RTN1: variants seen among roughly 807,000 people sequenced by gnomAD.
The protein encoded by RTN1 is reticulon 1.
In RTN1, 25 loss-of-function variants were observed where a neutral mutation model predicts 65.5. The ratio of observed to expected loss-of-function variants is 0.38; its 90% confidence interval spans 0.28 to 0.53. The LOEUF is 0.53. Among genes scored for constraint, RTN1 ranks in the 20% least tolerant of loss-of-function variants. The pLI is 0.79. For synonymous variants in RTN1, 471 were observed against 447.6 expected (o/e 1.05, Z -0.66); for missense variants, 983 against 1,025.4 (o/e 0.96, Z 0.57).
chr14:59,597,897 G>A (rs1236143028), intron 8 of RTN1, among the ~76,000 whole-genome samples: 3 of 152,106 alleles, frequency 2.0e-5, no homozygotes, highest in African/African-American at 7.2e-5. Context: ...CGTTTGCTTG[G>A]GGTATGGACA....
chr14:59,855,909 A>T (rs1887598526), intron 1 of RTN1, among the ~76,000 whole-genome samples: 1 of 152,018 alleles, frequency 6.6e-6, no homozygotes, highest in Non-Finnish European at 1.5e-5. Flanking sequence ...AGTTTATTTC[A>T]TGGTGTTTGG....
At chr14:59,855,342 G>A (rs1887585957) in intron 1 of RTN1, among the ~76,000 whole-genome samples, 1 of 152,104 alleles carries the variant, frequency 6.6e-6, no homozygotes, top group Non-Finnish European at 1.5e-5. Flanking sequence ...CCCACCTACT[G>A]AGGCTTTTAT....
At chr14:59,750,422 TAA>T in intron 1 of RTN1, among the ~76,000 whole-genome samples, 7 of 62,930 alleles carry the variant, frequency 1.1e-4, no homozygotes, top group South Asian at 5.2e-4. Flanking sequence ...GTATAATATA[TAA>T]TATATCTATA....
chr14:59,741,330 G>A (rs764943912), intron 2 of RTN1, among the ~76,000 whole-genome samples: 13 of 152,074 alleles, frequency 8.5e-5, no homozygotes, highest in Non-Finnish European at 1.3e-4. Flanking sequence ...CTGTTACCTC[G>A]AAGAAGCCTC....
chr14:59,863,305 C>G (rs984247485), intron 1 of RTN1, among the ~76,000 whole-genome samples: 3 of 152,110 alleles, frequency 2.0e-5, no homozygotes, highest in Non-Finnish European at 4.4e-5. Flanking sequence ...GTCAAGTCTA[C>G]AAATACCATC....
rs75568389 is a variant in RTN1, at chr14:59,772,056, C to T, written c.242-25575G>A. Among the ~76,000 whole-genome samples, 468 of 152,232 alleles carry T rather than the reference C, an allele frequency of 3.1e-3. 13 individuals are homozygous for T. The East Asian group carries it at 0.05, about 16-fold the overall frequency. On this transcript the variant is annotated intron_variant, in intron 1 of 8. Coordinates refer to ENST00000267484, the MANE Select transcript of RTN1 (RefSeq NM_021136.3). ...GTTAATAAAAGCTGAACAAATAGAA[C>T]ATCTGAAGACAATAGCACTGAAATA...
chr14:59,858,042 C>T (rs943682085), intron 1 of RTN1, among the ~76,000 whole-genome samples: 3 of 152,178 alleles, frequency 2.0e-5, no homozygotes, highest in Admixed American at 6.5e-5. Context: ...TAGCTTGTAC[C>T]ATCCATCCAA....
At position 59,715,781 on chromosome 14, in the gene RTN1, G is replaced by A. The variant is rs375218016; in HGVS notation, c.1765+11138C>T. 6.7e-5 allele frequency among the ~76,000 whole-genome samples: 10 copies of A among 148,952 alleles called. 1 individual carries two copies. Among genetic ancestry groups the A allele is most frequent in the African/African-American group, 7.5e-5 (3 of 40,146 alleles). ...GTGGAGGTTGCAGTGAGCCGACATC[G>A]CACCACTGCACTCCAGCCTGGGCAA... On this transcript the variant is annotated intron_variant, in intron 3 of 8. Coordinates refer to ENST00000267484, the MANE Select transcript of RTN1 (RefSeq NM_021136.3).
At chr14:59,736,603 A>C (rs1320736098) in intron 2 of RTN1, among the ~76,000 whole-genome samples, 1 of 152,198 alleles carries the variant, frequency 6.6e-6, no homozygotes, top group African/African-American at 2.4e-5. Context: ...AGGTATAAAG[A>C]AGAGCTGGTA....
intron 3 of RTN1, among the ~76,000 whole-genome samples, chr14:59,701,688 G>A (rs1433184360): frequency 6.6e-6 from 1 of 152,174 alleles, no homozygotes. Flanking sequence ...GTGGGAAAGA[G>A]GGAAGGGGGA....
intron 3 of RTN1, among the ~76,000 whole-genome samples, chr14:59,692,636 G>A (rs1021753706): frequency 2.0e-5 from 3 of 152,090 alleles, no homozygotes; most frequent in African/African-American, 7.2e-5. Context: ...AAAGCTGGAA[G>A]CATTATATTG....
chr14:59,623,606 GC>G (rs1325490215), intron 3 of RTN1, among the ~76,000 whole-genome samples: 1 of 152,144 alleles, frequency 6.6e-6, no homozygotes, highest in African/African-American at 2.4e-5. Flanking sequence ...ATTTCTTTAA[GC>G]TTTTTGACCT....
chr14:59,709,034 T>C (rs1884359803), intron 3 of RTN1, among the ~76,000 whole-genome samples: 1 of 152,140 alleles, frequency 6.6e-6, no homozygotes, highest in African/African-American at 2.4e-5. Context: ...ATTTGGAGGA[T>C]TCTTGGGAGA....
chr14:59,776,417 T>C (rs556284280), intron 1 of RTN1, among the ~76,000 whole-genome samples: 50 of 152,262 alleles, frequency 3.3e-4, no homozygotes, highest in Non-Finnish European at 5.6e-4. Context: ...CCTTCCACCA[T>C]GCCATGATGC....
intron 1 of RTN1, among the ~76,000 whole-genome samples, chr14:59,752,378 A>G (rs906368854): frequency 1.7e-4 from 26 of 152,164 alleles, no homozygotes; most frequent in African/African-American, 4.3e-4. Flanking sequence ...CACTTTTATA[A>G]GGTCACTAAT....
At chr14:59,736,160 A>G (rs1884997575) in intron 2 of RTN1, among the ~76,000 whole-genome samples, 1 of 152,186 alleles carries the variant, frequency 6.6e-6, no homozygotes, top group African/African-American at 2.4e-5. Flanking sequence ...CAAACCCCAA[A>G]GCTAGCAGAA....
chr14:59,858,647 T>C (rs1887652519), intron 1 of RTN1, among the ~76,000 whole-genome samples: 1 of 152,184 alleles, frequency 6.6e-6, no homozygotes, highest in African/African-American at 2.4e-5. Context: ...ATTTGGGGAT[T>C]GGACACGGAA....
intron 1 of RTN1, among the ~76,000 whole-genome samples, chr14:59,831,839 T>A (rs906816026): frequency 7.9e-5 from 12 of 151,682 alleles, no homozygotes; most frequent in Non-Finnish European, 2.9e-5. Context: ...TCTGCCTTGT[T>A]CCCCCCTCAC....
chr14:59,677,928 T>C (rs1332814897), intron 3 of RTN1, among the ~76,000 whole-genome samples: 2 of 152,230 alleles, frequency 1.3e-5, no homozygotes, highest in Non-Finnish European at 2.9e-5. Flanking sequence ...CTCTTAATGT[T>C]AGAACAGTCC....
Sources: allele counts gnomAD v4.1 joint callset (sites outside exome capture counted in the v4.1 genomes callset), GRCh38; gene constraint gnomAD v4.1.1; transcripts MANE v1.5; gene names NCBI Gene and HGNC (gene_info 2026-07-23, HGNC 2026-07-21).